The following OTUD1 variants were observed in gnomAD, a reference collection of about 807,000 sequenced individuals.
OTUD1 encodes the protein OTU domain-containing protein 1.
OTUD1 carries 15 observed loss-of-function variants against 30.0 expected under a neutral mutation model. The observed-to-expected ratio is 0.50, with a 90% CI of 0.33 to 0.77. The LOEUF (loss-of-function observed/expected upper bound fraction) is 0.77, where lower values mean the gene tolerates loss of function less well. Among genes scored for constraint, OTUD1 ranks in the 30% least tolerant of loss-of-function variants. The pLI is 0.02. For missense variants in OTUD1, 796 were observed against 697.8 expected (o/e 1.14, Z -1.59); for synonymous variants, 381 against 326.3 (o/e 1.17, Z -1.81).
At position 23,440,766 on chromosome 10, in the gene OTUD1, G is replaced by A; in HGVS notation, c.1309G>A (p.Asp437Asn). The change falls in exon 1 of 1, where the codon GAT becomes AAT. Residue 437 changes from aspartate (D) to asparagine (N), a missense_variant. Coordinates refer to ENST00000376495, the MANE Select transcript of OTUD1 (RefSeq NM_001145373.3). ...LSNGHYDAVF[D>N]HSYPNPEYDN... ...TAACGGACACTATGATGCTGTATTTGATCACTCCTATCCTAACCCAGAGTA... is the reference window on the plus strand; with the variant it reads ...TAACGGACACTATGATGCTGTATTTAATCACTCCTATCCTAACCCAGAGTA... 6.4e-7 allele frequency: 1 copy of A among 1,552,124 alleles called. No individual in the cohort carries two copies. Among genetic ancestry groups the A allele is most frequent in the Non-Finnish European group, 8.7e-7 (1 of 1,147,102 alleles).
In OTUD1 at chr10:23,440,752, A is replaced by G. The variant is rs1305046828; in HGVS notation, c.1295A>G (p.Tyr432Cys). ...IWLSWLSNGH[Y>C]DAVFDHSYPN... The stretch of plus-strand genomic sequence containing the variant: ...CTCAGTTGGCTCAGTAACGGACACT[A>G]TGATGCTGTATTTGATCACTCCTAT... The change falls in exon 1 of 1, where the codon TAT becomes TGT. Residue 432 changes from tyrosine (Y) to cysteine (C), a missense_variant. Coordinates refer to ENST00000376495, the MANE Select transcript of OTUD1 (RefSeq NM_001145373.3). The G allele has an allele frequency of 1.5e-5, 23 of 1,552,008 alleles. No individual in the cohort carries two copies. Among genetic ancestry groups the G allele is most frequent in the Non-Finnish European group, 2.0e-5 (23 of 1,147,096 alleles).
Position 23,439,752 on chromosome 10 carries a change from T to C in OTUD1, c.295T>C (p.Ser99Pro). The change falls in exon 1 of 1, where the codon TCC becomes CCC. Residue 99 changes from serine (S) to proline (P), a missense_variant. Coordinates refer to ENST00000376495, the MANE Select transcript of OTUD1 (RefSeq NM_001145373.3). ...ASAAAGPPGA[S>P]CKPPLPPHYT... The stretch of plus-strand genomic sequence containing the variant: ...CGCCGCCGCCGGCCCGCCCGGCGCG[T>C]CCTGCAAGCCGCCGCTGCCGCCGCA... 4 of 1,162,298 alleles carry C rather than the reference T, an allele frequency of 3.4e-6. No homozygotes were observed. The highest frequency in any genetic ancestry group is 4.2e-6 in the Non-Finnish European group (4 of 947,004). 72.0% of individuals were successfully genotyped at this position (1,162,298 alleles called of 1,614,324 possible).
In OTUD1 at chr10:23,440,864, C is replaced by T. The variant is rs1029302545; in HGVS notation, c.1407C>T (p.Ser469=). ...AACTTGCCAAATCTATGGCCATATC[C>T]TTGTCTAAAATGTATATTGAACAAA... The part of the protein sequence containing the change: ...DEELAKSMAI[S]LSKMYIEQNA... Residue 469 remains serine (S), a synonymous_variant, in exon 1 of 1, where the codon TCC becomes TCT. Coordinates refer to ENST00000376495, the MANE Select transcript of OTUD1 (RefSeq NM_001145373.3). 47 of 1,551,664 alleles carry T rather than the reference C, an allele frequency of 3.0e-5. No homozygotes were observed. The highest frequency in any genetic ancestry group is 8.2e-5 in the African/African-American group (6 of 73,046).
chr10:23,439,598 G>A lies in OTUD1; in HGVS notation c.141G>A (p.Glu47=). 7.3e-7 allele frequency: 1 copy of A among 1,364,676 alleles called. No homozygotes were observed. Among genetic ancestry groups the A allele is most frequent in the South Asian group, 1.5e-5 (1 of 65,486 alleles). 84.5% of individuals were successfully genotyped at this position (1,364,676 alleles called of 1,614,324 possible). The change falls in exon 1 of 1, where the codon GAG becomes GAA. Residue 47 remains glutamate, a synonymous_variant. Transcript: ENST00000376495. ...QPPGAAGAAP[E]PETGECQPAA... is the part of the protein sequence containing the mutation. ...CGGGAGCCGCCGGCGCCGCGCCCGA[G>A]CCCGAGACCGGTGAGTGCCAGCCCG...
chr10:23,439,630 C>T lies in OTUD1; in HGVS notation c.173C>T (p.Ala58Val). The change falls in exon 1 of 1, where the codon GCC becomes GTC. Residue 58 changes from alanine (A) to valine (V), a missense_variant. Physicochemically the swap from Ala to Val is moderately conservative, Grantham distance 64 (BLOSUM62 0). Transcript: ENST00000376495. ...ACCGGTGAGTGCCAGCCCGCCGCGG[C>T]CGCCGAGCACCGGGAAGCCGCCGCT... is the stretch of plus-strand genomic sequence containing the variant. The part of the protein sequence containing the change: ...PETGECQPAA[A>V]AEHREAAAVP... 7.7e-7 allele frequency: 1 copy of T among 1,293,808 alleles called. No individual in the cohort carries two copies. The highest frequency in any genetic ancestry group is 1.9e-5 in the South Asian group (1 of 51,552). 80.1% of individuals were successfully genotyped at this position (1,293,808 alleles called of 1,614,324 possible). A position where few individuals can be genotyped will look rare whatever the true frequency, so the allele number is the denominator to read the frequency against.
chr10:23,439,581 G>C lies in OTUD1; in HGVS notation c.124G>C (p.Ala42Pro). 6 of 1,369,268 alleles carry C rather than the reference G, an allele frequency of 4.4e-6. No homozygotes were observed. Among genetic ancestry groups the C allele is most frequent in the Non-Finnish European group, 5.7e-6 (6 of 1,056,938 alleles). The allele number at this position is 1,369,268 out of a possible 1,614,324, so 84.8% of individuals were successfully genotyped here. A position where few individuals can be genotyped will look rare whatever the true frequency, so the allele number is the denominator to read the frequency against. Residue 42 changes from alanine to proline, a missense_variant, in exon 1 of 1, where the codon GCC becomes CCC. Physicochemically the swap from Ala to Pro is conservative, Grantham distance 27. Transcript: ENST00000376495. Reference sequence around the variant, plus strand: ...GGTCTCGCTGCAGCCCCCGGGAGCCGCCGGCGCCGCGCCCGAGCCCGAGAC... The same window carrying C: ...GGTCTCGCTGCAGCCCCCGGGAGCCCCCGGCGCCGCGCCCGAGCCCGAGAC... Reference protein sequence around the residue: ...FKVSLQPPGAAGAAPEPETGE... With the variant: ...FKVSLQPPGAPGAAPEPETGE...
chr10:23,439,991 G>A lies in OTUD1; in HGVS notation c.534G>A (p.Glu178=). The A allele has an allele frequency of 3.7e-6, 5 of 1,368,336 alleles. No homozygotes were observed. In the South Asian group the frequency reaches 8.6e-5, roughly 24 times the overall value. The allele number at this position is 1,368,336 out of a possible 1,614,324, so 84.8% of individuals were successfully genotyped here. The change falls in exon 1 of 1, where the codon GAG becomes GAA. Residue 178 remains glutamate (E), a synonymous_variant. Coordinates refer to ENST00000376495, the MANE Select transcript of OTUD1 (RefSeq NM_001145373.3). ...LEELLRPDCP[E]PAGLDATREG... ...AGCTGCTGCGGCCCGACTGCCCCGA[G>A]CCCGCGGGCTTGGACGCGACACGGG...
rs1394832377 is a variant in OTUD1, at chr10:23,439,281, G to A, written c.-177G>A. 6.6e-6 allele frequency among the ~76,000 whole-genome samples: 1 copy of A among 151,526 alleles called. No individual in the cohort carries two copies. Among genetic ancestry groups the A allele is most frequent in the Non-Finnish European group, 1.5e-5 (1 of 67,810 alleles). On this transcript the variant is annotated 5_prime_UTR_variant, in exon 1 of 1. Coordinates refer to ENST00000376495, the MANE Select transcript of OTUD1 (RefSeq NM_001145373.3). Reference sequence around the variant, plus strand: ...GCTGTGGCGCAGCAGGAATTTGGCCGGGACCCGGGCGCTATTCGCGGCTGC... The same window carrying A: ...GCTGTGGCGCAGCAGGAATTTGGCCAGGACCCGGGCGCTATTCGCGGCTGC...
At position 23,442,026 on chromosome 10, in the gene OTUD1, A is replaced by G. The variant is rs752196636; in HGVS notation, c.*1123A>G. 6.0e-6 allele frequency: 1 copy of G among 166,990 alleles called. No homozygotes were observed. The highest frequency in any genetic ancestry group is 2.4e-5 in the African/African-American group (1 of 41,462). 10.3% of individuals were successfully genotyped at this position (166,990 alleles called of 1,614,324 possible). ...TTAAAATCAATCTCATTGCCACTTTAACTACTTTTAGTCATATTTATTAAG... is the reference window on the plus strand; with the variant it reads ...TTAAAATCAATCTCATTGCCACTTTGACTACTTTTAGTCATATTTATTAAG... On this transcript the variant is annotated 3_prime_UTR_variant, in exon 1 of 1. Coordinates refer to ENST00000376495, the MANE Select transcript of OTUD1 (RefSeq NM_001145373.3).
chr10:23,441,034 AATC>A lies in OTUD1; in HGVS notation c.*135_*137del. The stretch of plus-strand genomic sequence containing the variant: ...GATTTTACTGTAGGTGTAATGCCTT[AATC>A]ATCTTTTTGAATGTTTTCTCAGAGC... On this transcript the variant is annotated 3_prime_UTR_variant, in exon 1 of 1. Coordinates refer to ENST00000376495, the MANE Select transcript of OTUD1 (RefSeq NM_001145373.3). The A allele has an allele frequency of 3.0e-6, 3 of 993,026 alleles. No homozygotes were observed. The highest frequency in any genetic ancestry group is 2.6e-5 in the East Asian group (1 of 37,818). 61.5% of individuals were successfully genotyped at this position (993,026 alleles called of 1,614,324 possible).
At position 23,439,122 on chromosome 10, in the gene OTUD1, G is replaced by C. The variant is rs1407488038; in HGVS notation, c.-336G>C. On this transcript the variant is annotated 5_prime_UTR_variant, in exon 1 of 1. Coordinates refer to ENST00000376495, the MANE Select transcript of OTUD1 (RefSeq NM_001145373.3). ...CTCGCCGGCGGGACGCGCTCCAACGGGGCGGGCGGCTTCCTCCGTGAGTCC... is the reference window on the plus strand; with the variant it reads ...CTCGCCGGCGGGACGCGCTCCAACGCGGCGGGCGGCTTCCTCCGTGAGTCC... Among the ~76,000 whole-genome samples the C allele has an allele frequency of 6.6e-6, 1 of 150,858 alleles. No individual in the cohort carries two copies. Among genetic ancestry groups the C allele is most frequent in the African/African-American group, 2.4e-5 (1 of 41,304 alleles).
Position 23,440,719 on chromosome 10 carries a change from G to A in OTUD1, c.1262G>A (p.Ser421Asn), listed in dbSNP as rs1588756381. The A allele has an allele frequency of 1.3e-6, 2 of 1,551,872 alleles. No individual in the cohort carries two copies. Among genetic ancestry groups the A allele is most frequent in the Non-Finnish European group, 1.7e-6 (2 of 1,147,078 alleles). Residue 421 changes from serine to asparagine, a missense_variant, in exon 1 of 1, where the codon AGT becomes AAT. Transcript: ENST00000376495. ...YLGPEDSLRP[S>N]IWLSWLSNGH... The stretch of plus-strand genomic sequence containing the variant: ...GGCCCAGAGGATTCCCTGAGGCCTA[G>A]TATTTGGCTCAGTTGGCTCAGTAAC...
Position 23,439,569 on chromosome 10 carries a change from C to A in OTUD1, c.112C>A (p.Pro38Thr). 7.3e-7 allele frequency: 1 copy of A among 1,372,240 alleles called. No homozygotes were observed. Among genetic ancestry groups the A allele is most frequent in the Non-Finnish European group, 9.4e-7 (1 of 1,058,996 alleles). The allele number at this position is 1,372,240 out of a possible 1,614,324, so 85.0% of individuals were successfully genotyped here. A position where few individuals can be genotyped will look rare whatever the true frequency, so the allele number is the denominator to read the frequency against. The change falls in exon 1 of 1, where the codon CCC (proline) becomes ACC (threonine). Residue 38 changes from proline to threonine, a missense_variant. Transcript: ENST00000376495. The part of the protein sequence containing the change: ...AATPFKVSLQ[P>T]PGAAGAAPEP... ...TACCCCCTTCAAGGTCTCGCTGCAG[C>A]CCCCGGGAGCCGCCGGCGCCGCGCC...
rs141310999 is a variant in OTUD1 at position 23,441,567 on chromosome 10, G to GTT, written c.*673_*674dup. 3.8e-5 allele frequency: 6 copies of GTT among 158,762 alleles called. No individual in the cohort carries two copies. The highest frequency in any genetic ancestry group is 6.9e-5 in the Admixed American group (1 of 14,550). The allele number at this position is 158,762 out of a possible 1,614,324, so 9.8% of individuals were successfully genotyped here. On this transcript the variant is annotated 3_prime_UTR_variant, in exon 1 of 1. Transcript: ENST00000376495. ...AGGTTGTGGGAAGGTGTTTTTTTGT[G>GTT]TTTTTTTTTTGGTTTTTGTTTTGTT...
chr10:23,439,302 G>C lies in OTUD1; in HGVS notation c.-156G>C, dbSNP rs1221978668. ...GGCCGGGACCCGGGCGCTATTCGCG[G>C]CTGCTGACTCGCGGCGGCCGGCTGC... is the stretch of plus-strand genomic sequence containing the variant. On this transcript the variant is annotated 5_prime_UTR_variant, in exon 1 of 1. Coordinates refer to ENST00000376495, the MANE Select transcript of OTUD1 (RefSeq NM_001145373.3). 2.6e-5 allele frequency among the ~76,000 whole-genome samples: 4 copies of C among 151,572 alleles called. No homozygotes were observed. The East Asian group carries it at 5.8e-4, about 22-fold the overall frequency.
rs1205288574 is a variant in OTUD1, at chr10:23,441,560, T to C, written c.*657T>C. ...TAATGGAAGGTTGTGGGAAGGTGTT[T>C]TTTTGTGTTTTTTTTTTGGTTTTTG... On this transcript the variant is annotated 3_prime_UTR_variant, in exon 1 of 1. Coordinates refer to ENST00000376495, the MANE Select transcript of OTUD1 (RefSeq NM_001145373.3). The C allele has an allele frequency of 6.1e-6, 1 of 163,912 alleles. No individual in the cohort carries two copies. Among genetic ancestry groups the C allele is most frequent in the Non-Finnish European group, 1.5e-5 (1 of 68,106 alleles). 10.2% of individuals were successfully genotyped at this position (163,912 alleles called of 1,614,324 possible).
At position 23,439,330 on chromosome 10, in the gene OTUD1, T is replaced by G. The variant is rs2132479619; in HGVS notation, c.-128T>G. 3.6e-6 allele frequency: 3 copies of G among 830,646 alleles called. No individual in the cohort carries two copies. The highest frequency in any genetic ancestry group is 3.9e-5 in the East Asian group (1 of 25,734). The allele number at this position is 830,646 out of a possible 1,614,324, so 51.5% of individuals were successfully genotyped here. A position where few individuals can be genotyped will look rare whatever the true frequency, so the allele number is the denominator to read the frequency against. On this transcript the variant is annotated 5_prime_UTR_variant, in exon 1 of 1. Coordinates refer to ENST00000376495, the MANE Select transcript of OTUD1 (RefSeq NM_001145373.3). ...GCTGACTCGCGGCGGCCGGCTGCCTTTCGCTCATCTCTATTCTGGGGCCGT... is the reference window on the plus strand; with the variant it reads ...GCTGACTCGCGGCGGCCGGCTGCCTGTCGCTCATCTCTATTCTGGGGCCGT...
At position 23,440,989 on chromosome 10, in the gene OTUD1, C is replaced by A; in HGVS notation, c.*86C>A. On this transcript the variant is annotated 3_prime_UTR_variant, in exon 1 of 1. Coordinates refer to ENST00000376495, the MANE Select transcript of OTUD1 (RefSeq NM_001145373.3). ...ACATGAACTTTAATCAGGGTAATAG[C>A]ACTTTCAAACTTGCTAGTAGATTTT... 7.4e-7 allele frequency: 1 copy of A among 1,351,014 alleles called. No homozygotes were observed. Among genetic ancestry groups the A allele is most frequent in the Non-Finnish European group, 1.0e-6 (1 of 1,002,178 alleles). 83.7% of individuals were successfully genotyped at this position (1,351,014 alleles called of 1,614,324 possible). A position where few individuals can be genotyped will look rare whatever the true frequency, so the allele number is the denominator to read the frequency against.
rs1321340793 is a variant in OTUD1, at chr10:23,440,135, A to G, written c.678A>G (p.Glu226=). The change falls in exon 1 of 1, where the codon GAA becomes GAG. Residue 226 remains glutamate, a synonymous_variant. Transcript: ENST00000376495. ...SPDPGPGPWG[E]EHLAERGPRG... ...ATCCCGGCCCCGGTCCGTGGGGCGA[A>G]GAGCACTTGGCGGAGAGGGGCCCCA... 1 of 1,431,596 alleles carries G rather than the reference A, an allele frequency of 7.0e-7. No individual in the cohort carries two copies. The highest frequency in any genetic ancestry group is 9.1e-7 in the Non-Finnish European group (1 of 1,100,734). The allele number at this position is 1,431,596 out of a possible 1,614,324, so 88.7% of individuals were successfully genotyped here.
Sources: allele counts gnomAD v4.1 joint callset (sites outside exome capture counted in the v4.1 genomes callset), GRCh38; gene constraint gnomAD v4.1.1; transcripts MANE v1.5; gene names NCBI Gene and HGNC (gene_info 2026-07-23, HGNC 2026-07-21).